RANBP2: variants seen among roughly 807,000 people sequenced by gnomAD.
The protein encoded by RANBP2 is RAN binding protein 2, also known as E3 SUMO-protein ligase RanBP2.
A neutral mutation model predicts 303.6 loss-of-function variants in RANBP2; 57 were observed. That is an observed-to-expected ratio of 0.19 (90% confidence interval 0.15 to 0.23). RANBP2 has a LOEUF of 0.23. Among genes scored for constraint, RANBP2 ranks in the 10% least tolerant of loss-of-function variants. The pLI, the probability that RANBP2 is intolerant of heterozygous loss-of-function variation, is 1.00. For missense variants in RANBP2, 3,138 were observed against 3,780.8 expected (o/e 0.83, Z 4.46); for synonymous variants, 1,167 against 1,301.5 (o/e 0.90, Z 2.23).
At chr2:108,725,746 G>C (rs189680646) in intron 1 of RANBP2, among the ~76,000 whole-genome samples, 8 of 151,378 alleles carry the variant, frequency 5.3e-5, no homozygotes, top group African/African-American at 1.7e-4. Flanking sequence ...AAAAAGGAAG[G>C]GGGGAACAAG....
chr2:109,555,058 T>C, the RANBP2 span, among the ~76,000 whole-genome samples: 3 of 152,186 alleles, frequency 2.0e-5, no homozygotes, highest in Non-Finnish European at 2.9e-5. Context: ...CCTTCACTAC[T>C]GCAACAATCT....
At chr2:109,631,498 G>C in the RANBP2 span, among the ~76,000 whole-genome samples, 1 of 152,138 alleles carries the variant, frequency 6.6e-6, no homozygotes, top group East Asian at 1.9e-4. Context: ...GCTCCCACCA[G>C]TAATCCCAGC....
At chr2:109,495,266 C>CT in the RANBP2 span, among the ~76,000 whole-genome samples, 3 of 152,318 alleles carry the variant, frequency 2.0e-5, no homozygotes, top group African/African-American at 7.2e-5. Context: ...TTAGAACCGT[C>CT]TAATGCCCCA....
the RANBP2 span, among the ~76,000 whole-genome samples, chr2:108,917,046 T>C: frequency 1.3e-5 from 2 of 152,334 alleles, no homozygotes; most frequent in African/African-American, 4.8e-5. Context: ...GGAATGGAGC[T>C]GCCTTTTCAG....
the RANBP2 span, among the ~76,000 whole-genome samples, chr2:109,510,094 C>T: frequency 2.6e-5 from 4 of 152,098 alleles, no homozygotes; most frequent in Non-Finnish European, 4.4e-5. Flanking sequence ...AAAGAATGTT[C>T]GGTTGGCGGG....
chr2:109,155,518 G>T, the RANBP2 span, among the ~76,000 whole-genome samples: 2 of 152,070 alleles, frequency 1.3e-5, no homozygotes, highest in African/African-American at 4.8e-5. Flanking sequence ...AGCCAGGGTG[G>T]TCTCGATCTC....
the RANBP2 span, among the ~76,000 whole-genome samples, chr2:109,672,046 T>C: frequency 6.6e-6 from 1 of 152,136 alleles, no homozygotes; most frequent in Admixed American, 6.5e-5. Flanking sequence ...TCCCAAGCAA[T>C]GACCTTAACA....
chr2:109,408,252 G>A, the RANBP2 span, among the ~76,000 whole-genome samples: 1 of 152,144 alleles, frequency 6.6e-6, no homozygotes, highest in South Asian at 2.1e-4. Flanking sequence ...AAGGAGGAAG[G>A]GCCTCGATCA....
At chr2:109,627,408 G>A in the RANBP2 span, among the ~76,000 whole-genome samples, 1 of 152,272 alleles carries the variant, frequency 6.6e-6, no homozygotes, top group East Asian at 1.9e-4. Context: ...TGTTGGCCGG[G>A]ATGGTTTCGA....
chr2:109,088,653 A>G, the RANBP2 span, among the ~76,000 whole-genome samples: 2 of 152,040 alleles, frequency 1.3e-5, no homozygotes, highest in Non-Finnish European at 2.9e-5. Flanking sequence ...CTGGGACAAT[A>G]GGCGTGCACC....
the RANBP2 span, among the ~76,000 whole-genome samples, chr2:109,255,808 C>T: frequency 9.2e-5 from 14 of 152,272 alleles, no homozygotes; most frequent in South Asian, 2.1e-4. Context: ...ACCGCCCTGC[C>T]GACTGTTTGT....
At chr2:109,519,414 T>C in the RANBP2 span, among the ~76,000 whole-genome samples, 2 of 152,214 alleles carry the variant, frequency 1.3e-5, no homozygotes, top group African/African-American at 2.4e-5. Context: ...AAATCAAGTT[T>C]AATGCATATT....
At chr2:109,142,495 G>A in the RANBP2 span, among the ~76,000 whole-genome samples, 1 of 152,206 alleles carries the variant, frequency 6.6e-6, no homozygotes, top group Non-Finnish European at 1.5e-5. Context: ...TGCAGGCACA[G>A]CGGCCGAGAG....
chr2:109,615,908 C>T, the RANBP2 span: 11 of 1,610,446 alleles, frequency 6.8e-6, no homozygotes, highest in Non-Finnish European at 9.3e-6. Context: ...CCAGACTCAA[C>T]AAAATCCGAT....
At chr2:109,208,969 G>A in the RANBP2 span, among the ~76,000 whole-genome samples, 2 of 152,242 alleles carry the variant, frequency 1.3e-5, no homozygotes, top group African/African-American at 4.8e-5. Context: ...CCATGGGCAG[G>A]TGGGGTTCAT....
chr2:109,039,679 T>C, the RANBP2 span, among the ~76,000 whole-genome samples: 1 of 152,194 alleles, frequency 6.6e-6, no homozygotes, highest in Non-Finnish European at 1.5e-5. Context: ...ACAGATTTCT[T>C]CTTTTGTTAA....
At chr2:109,287,184 G>T in the RANBP2 span, among the ~76,000 whole-genome samples, 1 of 152,118 alleles carries the variant, frequency 6.6e-6, no homozygotes, top group Non-Finnish European at 1.5e-5. Context: ...ACAGAATTTT[G>T]CATCCAAAAT....
the RANBP2 span, chr2:109,129,215 T>C: frequency 3.1e-5 from 16 of 515,880 alleles, no homozygotes; most frequent in East Asian, 3.3e-4. Context: ...ACAGAACCCG[T>C]TGAGCTTCGT....
the RANBP2 span, chr2:108,931,139 A>C: frequency 9.2e-6 from 8 of 865,452 alleles, no homozygotes; most frequent in African/African-American, 6.7e-5. Context: ...CAGCAAACAG[A>C]GGGGAAACTA....
Sources: gnomAD v4.1 joint callset for allele counts (sites outside exome capture counted in the v4.1 genomes callset) on GRCh38, gnomAD v4.1.1 for gene constraint, MANE v1.5 for transcripts, NCBI Gene and HGNC (gene_info 2026-07-23, HGNC 2026-07-21) for gene names.